Variants in BRWD3 observed in about 807,000 individuals in gnomAD.
BRWD3 encodes bromodomain and WD repeat domain containing 3.
BRWD3 carries 10 observed loss-of-function variants against 149.7 expected under a neutral mutation model. The ratio of observed to expected loss-of-function variants is 0.07; its 90% CI spans 0.04 to 0.11. The LOEUF is 0.11. Ranked by LOEUF, BRWD3 falls within the 10% of genes least tolerant of loss-of-function variation. The pLI is 1.00. For synonymous variants in BRWD3, 504 were observed against 456.7 expected (o/e 1.10, Z -1.32); for missense variants, 940 against 1,373.2 (o/e 0.68, Z 4.99).
chrX:80,769,713 A>C (rs1428705994), intron 6 of BRWD3, among the ~76,000 whole-genome samples: 1 of 110,231 alleles, frequency 9.1e-6, no homozygotes, highest in South Asian at 3.9e-4. Context: ...CAAATTCAAA[A>C]GTTAGCAGAA....
intron 14 of BRWD3, among the ~76,000 whole-genome samples, chrX:80,725,893 A>G (rs1306673901): frequency 1.8e-5 from 2 of 110,519 alleles, no homozygotes; most frequent in African/African-American, 3.3e-5. Context: ...ATGCCTATAT[A>G]ACATGTTTAC....
At chrX:80,692,524 C>T (rs763173179) in intron 28 of BRWD3, among the ~76,000 whole-genome samples, 1 of 112,013 alleles carries the variant, frequency 8.9e-6, no homozygotes, top group South Asian at 3.7e-4. Context: ...CATGATGCAA[C>T]CACCTCTGCC....
chrX:80,744,700 T>C (rs1054938923), intron 7 of BRWD3, among the ~76,000 whole-genome samples: 1 of 112,111 alleles, frequency 8.9e-6, no homozygotes, highest in African/African-American at 3.2e-5. Context: ...CTGGTAAAAA[T>C]ATATTAAACT....
intron 14 of BRWD3, among the ~76,000 whole-genome samples, chrX:80,726,252 A>G (rs145577851): frequency 0.018 from 1,670 of 94,064 alleles, 22 homozygotes; most frequent in South Asian, 0.037. Context: ...ATGTCTGTAT[A>G]ACATATAACA....
intron 6 of BRWD3, among the ~76,000 whole-genome samples, chrX:80,754,061 T>C (rs2073706876): frequency 8.9e-6 from 1 of 112,025 alleles, no homozygotes; most frequent in African/African-American, 3.2e-5. Flanking sequence ...GAAAATGATA[T>C]TGGTATTTTC....
intron 19 of BRWD3, among the ~76,000 whole-genome samples, chrX:80,716,697 C>A (rs1602345117): frequency 1.8e-5 from 2 of 112,227 alleles, no homozygotes; most frequent in Middle Eastern, 9.3e-3. Context: ...ACATATACCA[C>A]AATTTGTTTA....
intron 6 of BRWD3, among the ~76,000 whole-genome samples, chrX:80,748,552 G>A (rs183212077): frequency 8.0e-5 from 9 of 111,941 alleles, no homozygotes; most frequent in African/African-American, 1.6e-4. Context: ...TTTTATTACC[G>A]ACTCAATCTC....
In BRWD3 at chrX:80,719,666, A is replaced by G; in HGVS notation, c.1877-10T>C. ...ACTACCTCACCATCACCTTAATAAG[A>G]CCAGATACAAAGCCACAAAATTACT... is the stretch of plus-strand genomic sequence containing the variant. On this transcript the variant is annotated splice_polypyrimidine_tract_variant and intron_variant, in intron 17 of 40. Coordinates refer to ENST00000373275, the MANE Select transcript of BRWD3 (RefSeq NM_153252.5). 1.7e-6 allele frequency: 2 copies of G among 1,209,086 alleles called. No homozygotes were observed. Among genetic ancestry groups the G allele is most frequent in the Non-Finnish European group, 2.2e-6 (2 of 893,701 alleles).
intron 3 of BRWD3, 47 bp downstream of exon 3, chrX:80,808,966 C>T: frequency 1.7e-6 from 2 of 1,179,083 alleles, no homozygotes; most frequent in Non-Finnish European, 2.3e-6. Flanking sequence ...TCCCCTTCCT[C>T]CAGTCTCACC....
chrX:80,732,940 C>T (rs997865462), intron 12 of BRWD3, among the ~76,000 whole-genome samples: 2 of 111,029 alleles, frequency 1.8e-5, no homozygotes, highest in Non-Finnish European at 3.8e-5. Context: ...GAGATCAAGA[C>T]CATCCTGGTG....
intron 37 of BRWD3, 39 bp from the exon 38 acceptor site, chrX:80,682,667 T>C (rs1399672900): frequency 2.6e-6 from 3 of 1,164,472 alleles, no homozygotes; most frequent in Non-Finnish European, 1.2e-6. Flanking sequence ...ACTAGTTTTA[T>C]ATTTTAAAAA....
At chrX:80,737,644 G>C (rs1302154722) in intron 8 of BRWD3, among the ~76,000 whole-genome samples, 1 of 111,828 alleles carries the variant, frequency 8.9e-6, no homozygotes, top group Non-Finnish European at 1.9e-5. Context: ...AAACGAGACT[G>C]GCCGATATGG....
At chrX:80,801,173 A>G (rs889999729) in intron 4 of BRWD3, among the ~76,000 whole-genome samples, 9 of 108,061 alleles carry the variant, frequency 8.3e-5, no homozygotes, top group Non-Finnish European at 1.7e-4. Flanking sequence ...CCAGCTAACT[A>G]TAAGACACAA....
In BRWD3 at chrX:80,670,197, A is replaced by G. The variant is rs2072312545; in HGVS notation, c.*6412T>C. ...TAAAAAGTTTACTTCATTTAATATTATTGTTTGATCTACCTGTGTTTTGTA... is the reference window on the plus strand; with the variant it reads ...TAAAAAGTTTACTTCATTTAATATTGTTGTTTGATCTACCTGTGTTTTGTA... On this transcript the variant is annotated 3_prime_UTR_variant, in exon 41 of 41. Coordinates refer to ENST00000373275, the MANE Select transcript of BRWD3 (RefSeq NM_153252.5). 9.0e-6 allele frequency among the ~76,000 whole-genome samples: 1 copy of G among 110,854 alleles called. No homozygotes were observed. The highest frequency in any genetic ancestry group is 3.3e-5 in the African/African-American group (1 of 30,507).
chrX:80,702,437 ACTC>A (rs1475414067), intron 24 of BRWD3, among the ~76,000 whole-genome samples: 1 of 112,161 alleles, frequency 8.9e-6, no homozygotes, highest in Non-Finnish European at 1.9e-5. Flanking sequence ...ATTAAACATT[ACTC>A]CTCTTCTGCC....
intron 6 of BRWD3, among the ~76,000 whole-genome samples, chrX:80,760,515 A>G (rs1602403451): frequency 8.9e-6 from 1 of 112,273 alleles, no homozygotes; most frequent in African/African-American, 3.2e-5. Flanking sequence ...GACTTTGAAA[A>G]AAGGCACAGG....
At chrX:80,801,140 A>G (rs1455874926) in intron 4 of BRWD3, among the ~76,000 whole-genome samples, 1 of 109,775 alleles carries the variant, frequency 9.1e-6, no homozygotes, top group East Asian at 2.8e-4. Context: ...AAAAAAGTTA[A>G]GAAAACCACA....
At chrX:80,694,537 GA>G (rs2072654575) in intron 27 of BRWD3, among the ~76,000 whole-genome samples, 1 of 111,145 alleles carries the variant, frequency 9.0e-6, no homozygotes, top group South Asian at 4.0e-4. Flanking sequence ...AAGCAGCTGG[GA>G]AAGGGGACAT....
intron 20 of BRWD3, among the ~76,000 whole-genome samples, chrX:80,711,667 G>C (rs905643511): frequency 5.4e-5 from 6 of 111,595 alleles, no homozygotes; most frequent in African/African-American, 2.0e-4. Context: ...TGAGAATCTC[G>C]GTCTCTAAAA....
Sources: gnomAD v4.1 joint callset for allele counts (sites outside exome capture counted in the v4.1 genomes callset) on GRCh38, gnomAD v4.1.1 for gene constraint, MANE v1.5 for transcripts, NCBI Gene and HGNC (gene_info 2026-07-23, HGNC 2026-07-21) for gene names.